The following GAD2 variants were observed in gnomAD, a reference collection of about 807,000 sequenced individuals.
The protein encoded by GAD2 is 65 kDa glutamic acid decarboxylase.
GAD2 carries 22 observed loss-of-function variants against 80.1 expected under a neutral mutation model. The observed-to-expected ratio is 0.27, with a 90% CI of 0.20 to 0.39. GAD2 has a LOEUF of 0.39. Among genes scored for constraint, GAD2 ranks in the 10% least tolerant of loss-of-function variants. GAD2 has a pLI of 1.00. For missense variants in GAD2, 624 were observed against 738.4 expected (o/e 0.85, Z 1.80); for synonymous variants, 274 against 256.9 (o/e 1.07, Z -0.64).
In GAD2 at chr10:26,245,936, A is replaced by T; in HGVS notation, c.856A>T (p.Lys286Ter). The change falls in exon 8 of 16, where the codon AAG becomes TAG. Residue 286 changes from lysine to a stop codon, truncating the protein, a stop_gained. Coordinates refer to ENST00000376261, the MANE Select transcript of GAD2 (RefSeq NM_001134366.2). LOFTEE classifies it high-confidence loss of function. ...TTTTTTACAGAGTCATTTTTCTCTC[A>T]AGAAGGGAGCTGCAGCCTTAGGGAT... ...FTSEHSHFSL[K>*]KGAAALGIGT... The T allele has an allele frequency of 6.2e-7, 1 of 1,613,870 alleles. No individual in the cohort carries two copies.
At chr10:26,286,204 T>C in intron 12 of GAD2, 141 bp from the exon 13 acceptor site, 1 of 762,424 alleles carries the variant, frequency 1.3e-6, no homozygotes. Flanking sequence ...GCCCCCATTC[T>C]TTTTTTTAAA....
chr10:26,295,404 T>C (rs1358191207), intron 15 of GAD2, among the ~76,000 whole-genome samples: 2 of 152,146 alleles, frequency 1.3e-5, no homozygotes, highest in East Asian at 3.8e-4. Flanking sequence ...TTAACTTTTG[T>C]TCACGTATGC....
chr10:26,218,224 C>T, intron 3 of GAD2: 1 of 418,180 alleles, frequency 2.4e-6, no homozygotes, highest in Non-Finnish European at 4.2e-6. Context: ...TGGCGCTCTT[C>T]CCCCAGCGCG....
At chr10:26,270,856 C>T (rs1049709290) in intron 10 of GAD2, 100 bp downstream of exon 10, 12 of 838,742 alleles carry the variant, frequency 1.4e-5, no homozygotes, top group Non-Finnish European at 2.4e-5. Context: ...ACTTGGTCAG[C>T]TTATTTTCAG....
chr10:26,248,796 T>G (rs546854163), intron 8 of GAD2, among the ~76,000 whole-genome samples: 1 of 152,006 alleles, frequency 6.6e-6, no homozygotes, highest in Admixed American at 6.6e-5. Context: ...GCAGAGAACA[T>G]AGCTTTGCAA....
At position 26,270,941 on chromosome 10, in the gene GAD2, A is replaced by G. The variant is rs140373281; in HGVS notation, c.1092+185A>G. ...ACTCACACAGTACACACCGTGCACC[A>G]GAAGCATCCCAAGGCTGATTATACC... On this transcript the variant is annotated intron_variant, in intron 10 of 15. Transcript: ENST00000376261. Among the ~76,000 whole-genome samples the G allele has an allele frequency of 5.0e-4, 76 of 152,344 alleles. 1 individual carries two copies. The Middle Eastern group carries it at 0.024, about 48-fold the overall frequency.
chr10:26,223,784 A>T, intron 4 of GAD2, 103 bp from the exon 5 acceptor site: 1 of 705,448 alleles, frequency 1.4e-6, no homozygotes, highest in Non-Finnish European at 2.5e-6. Flanking sequence ...ATTTCCTGTT[A>T]CTGACAGATC....
At chr10:26,294,068 G>T (rs1008435223) in intron 15 of GAD2, among the ~76,000 whole-genome samples, 2 of 152,192 alleles carry the variant, frequency 1.3e-5, no homozygotes, top group Non-Finnish European at 2.9e-5. Context: ...AGTGCACATC[G>T]AAGCGGGGTA....
At chr10:26,216,576 G>T, upstream of GAD2, 1 of 384,444 alleles carries the variant, frequency 2.6e-6, no homozygotes, top group Non-Finnish European at 4.6e-6. The surrounding 1 kb of genome is among the most constrained non-coding windows in gnomAD (Gnocchi z 4.7). Context: ...AAGCTCCCCG[G>T]CTTCCAAAGG....
chr10:26,232,074 C>T (rs970270700), intron 7 of GAD2, among the ~76,000 whole-genome samples: 4 of 152,194 alleles, frequency 2.6e-5, no homozygotes, highest in African/African-American at 9.7e-5. Context: ...GCCCACTCTA[C>T]CTAGTACCCC....
intron 8 of GAD2, among the ~76,000 whole-genome samples, chr10:26,253,359 C>T (rs1175429181): frequency 2.0e-5 from 3 of 152,082 alleles, no homozygotes; most frequent in East Asian, 1.9e-4. Context: ...AATTTTTATT[C>T]ATGTCATTCA....
In GAD2 at chr10:26,217,895, C is replaced by T; in HGVS notation, c.190C>T (p.Pro64Ser). Reference protein sequence around the residue: ...KPAESGGSQPPRAAARKAACA... With the variant: ...KPAESGGSQPSRAAARKAACA... ...GGCGGAGAGCGGCGGGAGCCAACCCCCGCGGGCCGCCGCCCGGAAGGCCGC... is the reference window on the plus strand; with the variant it reads ...GGCGGAGAGCGGCGGGAGCCAACCCTCGCGGGCCGCCGCCCGGAAGGCCGC... Residue 64 changes from proline to serine, a missense_variant, in exon 3 of 16, where the codon CCG becomes TCG. Coordinates refer to ENST00000376261, the MANE Select transcript of GAD2 (RefSeq NM_001134366.2). The surrounding 1 kb of genome is among the most constrained non-coding windows in gnomAD (Gnocchi z 4.9). 6.2e-7 allele frequency: 1 copy of T among 1,608,174 alleles called. No individual in the cohort carries two copies.
chr10:26,244,531 A>ACG (rs1214845996), intron 7 of GAD2, among the ~76,000 whole-genome samples: 6 of 152,252 alleles, frequency 3.9e-5, no homozygotes, highest in Non-Finnish European at 7.3e-5. Flanking sequence ...ATGTACATGT[A>ACG]ATAGAATGTC....
intron 4 of GAD2, among the ~76,000 whole-genome samples, chr10:26,223,412 C>G (rs943624122): frequency 3.3e-5 from 5 of 152,064 alleles, no homozygotes; most frequent in African/African-American, 1.2e-4. Flanking sequence ...GTTGGCATGC[C>G]TGGCGGATGT....
At chr10:26,300,296 A>G (rs1262688899) in intron 15 of GAD2, among the ~76,000 whole-genome samples, 1 of 152,212 alleles carries the variant, frequency 6.6e-6, no homozygotes, top group Non-Finnish European at 1.5e-5. Context: ...GAGGCACTGC[A>G]AAGAGAGAAC....
In GAD2 at chr10:26,286,227, T is replaced by A. The variant is rs554162352; in HGVS notation, c.1237-118T>A. ...TCTTTTTTTTAAAATTGATTCTTACTGTTTTCTTTCTCTAAGATATGCAAT... is the reference window on the plus strand; with the variant it reads ...TCTTTTTTTTAAAATTGATTCTTACAGTTTTCTTTCTCTAAGATATGCAAT... On this transcript the variant is annotated intron_variant, in intron 12 of 15. Transcript: ENST00000376261. The A allele has an allele frequency of 5.9e-5, 53 of 902,752 alleles. No homozygotes were observed. The East Asian group carries it at 1.2e-3, about 20-fold the overall frequency. The allele number at this position is 902,752 out of a possible 1,614,324, so 55.9% of individuals were successfully genotyped here.
intron 15 of GAD2, among the ~76,000 whole-genome samples, chr10:26,296,769 A>G (rs1161797629): frequency 6.6e-6 from 1 of 152,098 alleles, no homozygotes; most frequent in Admixed American, 6.5e-5. Flanking sequence ...ATAGTCCTAC[A>G]CTGATTGGAG....
chr10:26,278,535 T>C, intron 11 of GAD2, among the ~76,000 whole-genome samples: 1 of 152,218 alleles, frequency 6.6e-6, no homozygotes, highest in South Asian at 2.1e-4. Flanking sequence ...AAACCCATAC[T>C]ATCTGGCTCC....
Position 26,273,807 on chromosome 10 carries a change from C to CAG in GAD2, c.1157+107_1157+108insAG, listed in dbSNP as rs1845166643. 8.3e-6 allele frequency: 7 copies of CAG among 846,820 alleles called. No individual in the cohort carries two copies. In the Admixed American group the frequency reaches 1.6e-4, roughly 19 times the overall value. 52.5% of individuals were successfully genotyped at this position (846,820 alleles called of 1,614,324 possible). A position where few individuals can be genotyped will look rare whatever the true frequency, so the allele number is the denominator to read the frequency against. On this transcript the variant is annotated intron_variant, in intron 11 of 15. Coordinates refer to ENST00000376261, the MANE Select transcript of GAD2 (RefSeq NM_001134366.2). ...TTTTGGAATACTGAGTGAACTCACTCTATTCAGTGCTTGTGTTCCTTGCCT... is the reference window on the plus strand; with the variant it reads ...TTTTGGAATACTGAGTGAACTCACTCAGTATTCAGTGCTTGTGTTCCTTGCCT...
Sources: gnomAD v4.1 joint callset for allele counts (sites outside exome capture counted in the v4.1 genomes callset) on GRCh38, gnomAD v4.1.1 for gene constraint, Gnocchi (gnomAD v3.1) non-coding constraint, MANE v1.5 for transcripts, NCBI Gene and HGNC (gene_info 2026-07-23, HGNC 2026-07-21) for gene names.